Variants in TANC1 observed in about 807,000 individuals in gnomAD.
TANC1 encodes the protein protein TANC1.
TANC1 carries 77 observed loss-of-function variants against 149.7 expected under a neutral mutation model. The observed-to-expected ratio is 0.51, with a 90% CI of 0.43 to 0.62. TANC1 has a LOEUF of 0.62. Ranked by LOEUF, TANC1 falls within the 20% of genes least tolerant of loss-of-function variation. The pLI is 0.00. For synonymous variants in TANC1, 854 were observed against 925.0 expected (o/e 0.92, Z 1.39); for missense variants, 1,985 against 2,321.8 (o/e 0.85, Z 2.98).
At chr2:159,094,630 GC>G (rs928805445) in intron 3 of TANC1, among the ~76,000 whole-genome samples, 1 of 152,176 alleles carries the variant, frequency 6.6e-6, no homozygotes, top group African/African-American at 2.4e-5. Context: ...TCGTGACCTG[GC>G]CGAAAGCCTC....
intron 4 of TANC1, among the ~76,000 whole-genome samples, chr2:159,100,748 G>A (rs573363776): frequency 7.2e-5 from 11 of 152,244 alleles, no homozygotes; most frequent in Admixed American, 3.3e-4. Flanking sequence ...TTTAAAAATG[G>A]CAGTGACTCA....
At chr2:159,228,598 A>G (rs2060160532) in intron 25 of TANC1, 198 bp from the exon 26 acceptor site, 2 of 548,374 alleles carry the variant, frequency 3.6e-6, no homozygotes, top group Non-Finnish European at 6.5e-6. Context: ...CTGTTTTCAT[A>G]GTGGATTCTT....
At chr2:159,201,898 C>T (rs2058273476) in intron 19 of TANC1, among the ~76,000 whole-genome samples, 1 of 152,194 alleles carries the variant, frequency 6.6e-6, no homozygotes, top group South Asian at 2.1e-4. Flanking sequence ...TTTGAACAGC[C>T]TGTGGTTTTC....
At chr2:159,027,854 A>G (rs1015761514) in intron 2 of TANC1, among the ~76,000 whole-genome samples, 11 of 152,302 alleles carry the variant, frequency 7.2e-5, no homozygotes, top group Admixed American at 3.9e-4. Flanking sequence ...TGGTGCTGGC[A>G]TCTGCTTAGC....
chr2:159,064,240 T>C (rs2042483039), intron 2 of TANC1, among the ~76,000 whole-genome samples: 1 of 152,210 alleles, frequency 6.6e-6, no homozygotes, highest in South Asian at 2.1e-4. Context: ...ATGGAAACTA[T>C]TGCTGCCTTC....
At chr2:159,132,588 A>G (rs1216633999) in intron 4 of TANC1, among the ~76,000 whole-genome samples, 1 of 151,844 alleles carries the variant, frequency 6.6e-6, no homozygotes, top group Admixed American at 6.6e-5. Flanking sequence ...TCCTGGGTTC[A>G]AGTGATTCTC....
rs371004565 is a variant in TANC1, at chr2:159,150,377, C to G, written c.503C>G (p.Ala168Gly). The G allele has an allele frequency of 8.7e-6, 14 of 1,613,908 alleles. No homozygotes were observed. In the African/African-American group the frequency reaches 1.7e-4, roughly 20 times the overall value. The change falls in exon 7 of 27, where the codon GCT becomes GGT. Residue 168 changes from alanine to glycine, a missense_variant. By Grantham distance (60) the Ala-to-Gly change is moderately conservative (BLOSUM62 0). Coordinates refer to ENST00000263635, the MANE Select transcript of TANC1 (RefSeq NM_033394.3). ...CTTCCATTCATCTTGCAGTGCACAG[C>G]TCTGAGTCAAGGCATCAGTCCTTGC... The part of the protein sequence containing the change: ...IEDKNETMCT[A>G]LSQGISPCST...
At chr2:159,096,712 G>T (rs902778697) in intron 3 of TANC1, among the ~76,000 whole-genome samples, 3 of 152,148 alleles carry the variant, frequency 2.0e-5, no homozygotes, top group Non-Finnish European at 4.4e-5. Flanking sequence ...TGGGAAGGAC[G>T]GTGAGGAACA....
rs573130016 is a variant in TANC1 at position 159,183,615 on chromosome 2, TGAGAG to T, written c.2511-2170_2511-2166del. 7.9e-5 allele frequency among the ~76,000 whole-genome samples: 12 copies of T among 151,806 alleles called. 1 individual carries two copies. The South Asian group carries it at 2.5e-3, about 32-fold the overall frequency. ...CCTTAGGAGACTCCGCCTGTTGGGTTGAGAGGAGAGAGAGGAGGGAGCCAGCGTCT... is the reference window on the plus strand; with the variant it reads ...CCTTAGGAGACTCCGCCTGTTGGGTTGAGAGAGAGGAGGGAGCCAGCGTCT... On this transcript the variant is annotated intron_variant, in intron 14 of 26. Transcript: ENST00000263635.
At chr2:158,995,728 G>T (rs766942053) in intron 1 of TANC1, among the ~76,000 whole-genome samples, 2 of 152,090 alleles carry the variant, frequency 1.3e-5, no homozygotes, top group Non-Finnish European at 2.9e-5. Context: ...CATTTCTCAG[G>T]ATGCTTCCCC....
chr2:159,050,261 C>G (rs1022874125), intron 2 of TANC1, among the ~76,000 whole-genome samples: 4 of 152,164 alleles, frequency 2.6e-5, no homozygotes, highest in African/African-American at 9.7e-5. Context: ...TGTGCCACCA[C>G]TCCCAGCTAA....
At chr2:159,008,782 T>G (rs1203499345) in intron 2 of TANC1, among the ~76,000 whole-genome samples, 2 of 152,184 alleles carry the variant, frequency 1.3e-5, no homozygotes, top group African/African-American at 4.8e-5. Context: ...GATAAATTCT[T>G]TAATTGAATA....
chr2:159,019,153 C>T (rs1453230088), intron 2 of TANC1, among the ~76,000 whole-genome samples: 3 of 152,134 alleles, frequency 2.0e-5, no homozygotes, highest in Admixed American at 6.5e-5. Context: ...GCAGCAGAGC[C>T]GGGATTGCAG....
Position 159,151,793 on chromosome 2 carries a change from C to G in TANC1, c.682+1237C>G, listed in dbSNP as rs1205941265. Among the ~76,000 whole-genome samples the G allele has an allele frequency of 3.3e-5, 5 of 152,302 alleles. No homozygotes were observed. The East Asian group carries it at 9.6e-4, about 29-fold the overall frequency. On this transcript the variant is annotated intron_variant, in intron 7 of 26. Coordinates refer to ENST00000263635, the MANE Select transcript of TANC1 (RefSeq NM_033394.3). ...TTCTTGCCATAATTTTCAATTGAAT[C>G]AGAATCTTTAATGGATTTTTGTTTT...
chr2:158,968,725 C>T lies in TANC1; in HGVS notation c.-183C>T, dbSNP rs1463162875. The T allele has an allele frequency of 6.6e-6, 1 of 152,124 alleles. No individual in the cohort carries two copies. The highest frequency in any genetic ancestry group is 1.5e-5 in the Non-Finnish European group (1 of 67,986). 9.4% of individuals were successfully genotyped at this position (152,124 alleles called of 1,614,324 possible). ...GCGGAGCGCCGAGCTGGCCTCGCCC[C>T]GAGGCCCGGCCCTGGGTGTGGGGAA... is the stretch of plus-strand genomic sequence containing the variant. On this transcript the variant is annotated 5_prime_UTR_variant, in exon 1 of 27. Coordinates refer to ENST00000263635, the MANE Select transcript of TANC1 (RefSeq NM_033394.3).
chr2:159,202,341 T>TA (rs2058307352), intron 19 of TANC1, among the ~76,000 whole-genome samples: 1 of 152,180 alleles, frequency 6.6e-6, no homozygotes, highest in South Asian at 2.1e-4. Context: ...AAGACGTTCA[T>TA]AAAAAATGGG....
intron 17 of TANC1, 45 bp downstream of exon 17, chr2:159,194,538 T>C: frequency 2.0e-6 from 3 of 1,473,548 alleles, no homozygotes; most frequent in Non-Finnish European, 2.8e-6. Context: ...GGGAAATGGC[T>C]TCATCTCATT....
At chr2:159,090,610 T>G (rs1229012426) in intron 3 of TANC1, among the ~76,000 whole-genome samples, 1 of 152,200 alleles carries the variant, frequency 6.6e-6, no homozygotes, top group African/African-American at 2.4e-5. Context: ...TCCACAGGAC[T>G]GGTAGACCTG....
intron 2 of TANC1, among the ~76,000 whole-genome samples, chr2:159,002,700 C>A (rs2036728797): frequency 6.6e-6 from 1 of 152,168 alleles, no homozygotes; most frequent in African/African-American, 2.4e-5. Context: ...TCGAGAGTTT[C>A]TGTTACCTTC....
Sources: gnomAD v4.1 joint callset for allele counts (sites outside exome capture counted in the v4.1 genomes callset) on GRCh38, gnomAD v4.1.1 for gene constraint, MANE v1.5 for transcripts, NCBI Gene and HGNC (gene_info 2026-07-23, HGNC 2026-07-21) for gene names.